The following PTPRK variants were observed in gnomAD, a reference collection of about 807,000 sequenced individuals.
PTPRK encodes the protein protein tyrosine phosphatase receptor type K, also known as receptor-type tyrosine-protein phosphatase kappa.
In PTPRK, 75 loss-of-function variants were observed where a neutral mutation model predicts 178.0. The observed-to-expected ratio is 0.42, with a 90% confidence interval of 0.35 to 0.51. PTPRK has a LOEUF of 0.51. Ranked by LOEUF, PTPRK falls within the 20% of genes least tolerant of loss-of-function variation. The pLI is 0.02. For synonymous variants in PTPRK, 637 were observed against 620.6 expected, an observed-to-expected ratio of 1.03 and a Z score of -0.39; for missense variants, 1,441 against 1,797.8, an observed-to-expected ratio of 0.80 and a Z score of 3.59.
intron 3 of PTPRK, among the ~76,000 whole-genome samples, chr6:128,289,579 T>A (rs1823044046): frequency 6.6e-6 from 1 of 152,120 alleles, no homozygotes; most frequent in African/African-American, 2.4e-5. Flanking sequence ...GAGCAATTGA[T>A]CCTGTGGGAT....
rs1784242801 is a variant in PTPRK, at chr6:128,078,517, T to C, written c.1883+296A>G. Among the ~76,000 whole-genome samples the C allele has an allele frequency of 5.3e-5, 8 of 152,024 alleles. No individual in the cohort carries two copies. The South Asian group carries it at 1.7e-3, about 32-fold the overall frequency. On this transcript the variant is annotated intron_variant, in intron 11 of 29. Coordinates refer to ENST00000368226, the MANE Select transcript of PTPRK (RefSeq NM_002844.4). ...TTACCCGTGTTTCAATTACCCACCA[T>C]CAAACTCGTCCAAAAATAGGTAAGT...
At chr6:128,296,724 G>T (rs1362031323) in intron 3 of PTPRK, among the ~76,000 whole-genome samples, 1 of 152,068 alleles carries the variant, frequency 6.6e-6, no homozygotes, top group Non-Finnish European at 1.5e-5. Flanking sequence ...CCTGAAGGAA[G>T]CCCTAAACAT....
intron 1 of PTPRK, among the ~76,000 whole-genome samples, chr6:128,408,472 A>AATTGC (rs774011955): frequency 9.2e-5 from 14 of 152,228 alleles, no homozygotes; most frequent in Non-Finnish European, 1.8e-4. Context: ...AGTAAGGGCA[A>AATTGC]ATTGCAACAA....
intron 13 of PTPRK, among the ~76,000 whole-genome samples, chr6:128,012,121 G>A (rs547026165): frequency 3.8e-4 from 57 of 151,234 alleles, no homozygotes; most frequent in East Asian, 1.2e-3. Context: ...GTGATTTGGT[G>A]GTTGTTTTCC....
intron 26 of PTPRK, 37 bp from the exon 27 acceptor site, chr6:127,976,819 G>A: frequency 1.9e-6 from 3 of 1,610,212 alleles, no homozygotes; most frequent in Non-Finnish European, 2.5e-6. Flanking sequence ...AAAAAAAAGA[G>A]TATTATTTTT....
chr6:128,520,166 C>A, intron 1 of PTPRK, 93 bp downstream of exon 1: 9 of 1,138,860 alleles, frequency 7.9e-6, no homozygotes, highest in Non-Finnish European at 1.1e-5. Context: ...GAGCTCCCCA[C>A]GATCCTTGTC....
At chr6:128,443,565 C>T (rs552509274) in intron 1 of PTPRK, among the ~76,000 whole-genome samples, 3 of 152,126 alleles carry the variant, frequency 2.0e-5, no homozygotes, top group East Asian at 3.9e-4. Context: ...GAGACTAAAA[C>T]GGTGAGGTTG....
chr6:128,223,059 T>C (rs1335494600), intron 5 of PTPRK, among the ~76,000 whole-genome samples: 1 of 152,178 alleles, frequency 6.6e-6, no homozygotes, highest in Non-Finnish European at 1.5e-5. Flanking sequence ...CTGACTTTTC[T>C]ATCTTAAATC....
At chr6:128,375,742 T>G (rs1310102582) in intron 2 of PTPRK, among the ~76,000 whole-genome samples, 1 of 152,088 alleles carries the variant, frequency 6.6e-6, no homozygotes, top group Admixed American at 6.6e-5. Context: ...GCCTGTAAAA[T>G]CAAAAGCAAG....
chr6:128,077,484 G>GA (rs920924810), intron 11 of PTPRK, among the ~76,000 whole-genome samples: 2 of 151,788 alleles, frequency 1.3e-5, no homozygotes, highest in African/African-American at 4.8e-5. Context: ...CTTAAATTAA[G>GA]AAAAAATATT....
chr6:128,402,372 C>T (rs1841138053), intron 1 of PTPRK, among the ~76,000 whole-genome samples: 1 of 152,136 alleles, frequency 6.6e-6, no homozygotes, highest in African/African-American at 2.4e-5. Context: ...ATCCTCCTGC[C>T]TCAGCCTCCC....
At chr6:128,136,202 T>C (rs1313274103) in intron 7 of PTPRK, among the ~76,000 whole-genome samples, 2 of 152,206 alleles carry the variant, frequency 1.3e-5, no homozygotes, top group African/African-American at 4.8e-5. Context: ...CCTGACACTT[T>C]GATTTCAGAC....
chr6:128,134,969 G>A (rs764914162), intron 7 of PTPRK, among the ~76,000 whole-genome samples: 2 of 152,172 alleles, frequency 1.3e-5, no homozygotes, highest in South Asian at 2.1e-4. Context: ...ACTGCCTTCA[G>A]ACTCAAGATT....
intron 7 of PTPRK, among the ~76,000 whole-genome samples, chr6:128,124,142 C>G (rs2114415615): frequency 6.6e-6 from 1 of 151,958 alleles, no homozygotes; most frequent in South Asian, 2.1e-4. Context: ...CTCCCAGGTT[C>G]AAGCAATGCT....
intron 8 of PTPRK, among the ~76,000 whole-genome samples, chr6:128,086,502 T>A (rs1785857273): frequency 1.3e-5 from 2 of 152,210 alleles, no homozygotes; most frequent in Non-Finnish European, 2.9e-5. Flanking sequence ...TTTGCTCTCA[T>A]GATTTATGGA....
intron 3 of PTPRK, among the ~76,000 whole-genome samples, chr6:128,253,703 C>A (rs1816841810): frequency 6.6e-6 from 1 of 152,210 alleles, no homozygotes; most frequent in African/African-American, 2.4e-5. Context: ...TGCTTTCAAA[C>A]TAACACAGTA....
intron 1 of PTPRK, among the ~76,000 whole-genome samples, chr6:128,445,203 TA>T: frequency 8.4e-6 from 1 of 118,502 alleles, no homozygotes; most frequent in Non-Finnish European, 1.7e-5. Context: ...ATTTTATTTA[TA>T]TATATATATA....
chr6:128,089,661 C>T, intron 8 of PTPRK, 29 bp downstream of exon 8: 6 of 1,555,938 alleles, frequency 3.9e-6, no homozygotes, highest in Non-Finnish European at 5.3e-6. Context: ...GAGAATTCCC[C>T]CCTTTTAAAC....
chr6:128,322,320 C>T lies in PTPRK; in HGVS notation c.224-10G>A, dbSNP rs1357086663. ...ACTATCATATAGGAACCTGAAATGA[C>T]ATTACAAATAATAATGCTAAAGAGA... On this transcript the variant is annotated splice_polypyrimidine_tract_variant and intron_variant, in intron 2 of 29. Coordinates refer to ENST00000368226, the MANE Select transcript of PTPRK (RefSeq NM_002844.4). 6.5e-7 allele frequency: 1 copy of T among 1,549,810 alleles called. No individual in the cohort carries two copies. The highest frequency in any genetic ancestry group is 1.7e-5 in the Admixed American group (1 of 58,636).
Sources: allele counts gnomAD v4.1 joint callset (sites outside exome capture counted in the v4.1 genomes callset), GRCh38; gene constraint gnomAD v4.1.1; transcripts MANE v1.5; gene names NCBI Gene and HGNC (gene_info 2026-07-23, HGNC 2026-07-21).